KLC1: variants seen among roughly 807,000 people sequenced by gnomAD.
KLC1 encodes the protein kinesin light chain 1, also known as kinesin 2 60/70kDa.
A neutral mutation model predicts 84.2 loss-of-function variants in KLC1; 30 were observed. The observed-to-expected ratio is 0.36, with a 90% CI of 0.27 to 0.48. The LOEUF (loss-of-function observed/expected upper bound fraction) is 0.48, where lower values mean the gene tolerates loss of function less well. Among genes scored for constraint, KLC1 ranks in the 20% least tolerant of loss-of-function variants. KLC1 has a pLI of 0.99. For synonymous variants in KLC1, 289 were observed against 293.3 expected, an observed-to-expected ratio of 0.99 and a Z score of 0.15; for missense variants, 499 against 805.4, an observed-to-expected ratio of 0.62 and a Z score of 4.60.
intron 1 of KLC1, among the ~76,000 whole-genome samples, chr14:103,633,261 G>A (rs1016965207): frequency 7.2e-5 from 11 of 152,054 alleles, no homozygotes; most frequent in African/African-American, 2.4e-4. Flanking sequence ...GTTTCACCAC[G>A]TTAGCCAGGA....
chr14:103,658,811 C>G (rs1284874832), intron 3 of KLC1, among the ~76,000 whole-genome samples: 2 of 151,202 alleles, frequency 1.3e-5, no homozygotes, highest in African/African-American at 2.4e-5. Flanking sequence ...GTGTGTGCCA[C>G]CACGCCTGGC....
At chr14:103,638,249 C>G (rs1306154950) in intron 1 of KLC1, among the ~76,000 whole-genome samples, 7 of 152,150 alleles carry the variant, frequency 4.6e-5, no homozygotes, top group African/African-American at 1.7e-4. Flanking sequence ...ATGTGCTACC[C>G]TCGTCTGTAT....
At chr14:103,654,883 T>C in intron 2 of KLC1, 58 bp downstream of exon 2, 2 of 1,543,256 alleles carry the variant, frequency 1.3e-6, no homozygotes, top group Admixed American at 1.9e-5. Flanking sequence ...AATGGAGACT[T>C]GTTTGAAATA....
intron 3 of KLC1, among the ~76,000 whole-genome samples, chr14:103,661,141 C>G (rs571170616): frequency 6.6e-6 from 1 of 152,214 alleles, no homozygotes; most frequent in Admixed American, 6.5e-5. Flanking sequence ...GAGGGGTTCT[C>G]CTGTGGCAGT....
chr14:103,694,330 C>T lies in KLC1; in HGVS notation c.1848+1905C>T, dbSNP rs2082298073. The T allele has an allele frequency of 1.1e-6, 1 of 932,362 alleles. No homozygotes were observed. 57.8% of individuals were successfully genotyped at this position (932,362 alleles called of 1,614,324 possible). On this transcript the variant is annotated intron_variant, in intron 15 of 16. Transcript: ENST00000334553. This position sits in a 1 kb window ranked among gnomAD's most constrained non-coding sequence, Gnocchi z 4.5. ...GCAGTGGCCCAATCTCGGCCCACTG[C>T]AAGCTCCACCTCCTGGGTTCACGCC...
At chr14:103,634,778 A>G (rs114469595) in intron 1 of KLC1, among the ~76,000 whole-genome samples, 2,604 of 151,814 alleles carry the variant, frequency 0.017, 67 homozygotes, top group African/African-American at 0.055. Context: ...CGGGGGTCTC[A>G]CTGTGTTTCC....
chr14:103,630,932 C>G (rs2151225245), intron 1 of KLC1, among the ~76,000 whole-genome samples: 1 of 152,206 alleles, frequency 6.6e-6, no homozygotes, highest in East Asian at 1.9e-4. Flanking sequence ...CCTACTGCAG[C>G]CTTGGCATTG....
intron 15 of KLC1, chr14:103,696,108 C>T (rs1023738991): frequency 4.1e-5 from 34 of 819,480 alleles, no homozygotes; most frequent in Non-Finnish European, 4.5e-5. Flanking sequence ...GCCCCCCGCC[C>T]CCCCCCACAG....
chr14:103,663,488 A>G (rs2079473253), intron 5 of KLC1, among the ~76,000 whole-genome samples: 1 of 152,184 alleles, frequency 6.6e-6, no homozygotes, highest in South Asian at 2.1e-4. Flanking sequence ...CCCTAACGCC[A>G]GCCAAACGAA....
In KLC1 at chr14:103,699,260, C is replaced by T. The variant is rs376047069; in HGVS notation, c.1849-1395C>T. On this transcript the variant is annotated intron_variant, in intron 15 of 16. Transcript: ENST00000334553. ...GGCACAGGCTGCTACCCGCAGGAGC[C>T]GGAGGCCACCTCACTGCCACCCGCC... 95 of 1,539,658 alleles carry T rather than the reference C, an allele frequency of 6.2e-5. No homozygotes were observed. The African/African-American group carries it at 8.7e-4, about 14-fold the overall frequency.
At chr14:103,679,160 C>T in intron 12 of KLC1, 1 of 609,678 alleles carries the variant, frequency 1.6e-6, no homozygotes, top group South Asian at 2.1e-5. Flanking sequence ...CGGGTACACA[C>T]CCTGTGCAAT....
chr14:103,694,028 G>A lies in KLC1; in HGVS notation c.1848+1603G>A, dbSNP rs2082273981. ...TAAATTAAGAATCTGGAAACATAAAGTACCCCTTTCAGAACGATAGGCATT... is the reference window on the plus strand; with the variant it reads ...TAAATTAAGAATCTGGAAACATAAAATACCCCTTTCAGAACGATAGGCATT... On this transcript the variant is annotated intron_variant, in intron 15 of 16. Coordinates refer to ENST00000334553, the MANE Select transcript of KLC1 (RefSeq NM_001394837.1). The surrounding 1 kb of genome is among the most constrained non-coding windows in gnomAD (Gnocchi z 4.5). 3 of 1,013,506 alleles carry A rather than the reference G, an allele frequency of 3.0e-6. No homozygotes were observed. In the African/African-American group the frequency reaches 5.2e-5, roughly 17 times the overall value. 62.8% of individuals were successfully genotyped at this position (1,013,506 alleles called of 1,614,324 possible).
chr14:103,668,316 A>G (rs1336895953), intron 5 of KLC1, among the ~76,000 whole-genome samples: 2 of 152,214 alleles, frequency 1.3e-5, no homozygotes, highest in Non-Finnish European at 2.9e-5. Flanking sequence ...TAGGCAGGAC[A>G]ACACTGTAGT....
chr14:103,690,139 C>G (rs1265731517), intron 14 of KLC1, among the ~76,000 whole-genome samples: 1 of 151,850 alleles, frequency 6.6e-6, no homozygotes, highest in Non-Finnish European at 1.5e-5. Context: ...CAAGATCACA[C>G]CACTGCACTC....
intron 12 of KLC1, among the ~76,000 whole-genome samples, chr14:103,677,985 A>C (rs1375514783): frequency 6.8e-6 from 1 of 147,110 alleles, no homozygotes; most frequent in East Asian, 2.1e-4. Flanking sequence ...AAAAAAAAAA[A>C]AAGCATGAGG....
intron 15 of KLC1, chr14:103,699,383 G>A: frequency 6.2e-7 from 1 of 1,609,834 alleles, no homozygotes; most frequent in Non-Finnish European, 8.5e-7. Context: ...GCACAGCACA[G>A]GGCTCTGGAA....
chr14:103,662,993 T>A, intron 5 of KLC1, 66 bp downstream of exon 5: 1 of 1,070,034 alleles, frequency 9.3e-7, no homozygotes, highest in Non-Finnish European at 1.3e-6. Flanking sequence ...TCTTGCCCCT[T>A]AAAATATATT....
At chr14:103,661,334 G>A (rs1184121513) in intron 3 of KLC1, among the ~76,000 whole-genome samples, 4 of 152,292 alleles carry the variant, frequency 2.6e-5, no homozygotes, top group Admixed American at 1.3e-4. Flanking sequence ...AGCCTTTCAC[G>A]TGGAATGGGG....
rs2082218065 is a variant in KLC1 at position 103,693,154 on chromosome 14, C to T, written c.1848+729C>T. On this transcript the variant is annotated intron_variant, in intron 15 of 16. Transcript: ENST00000334553. This position sits in a 1 kb window ranked among gnomAD's most constrained non-coding sequence, Gnocchi z 5.1. ...GAGAGTTCGCGACAGTGGCCAGGCA[C>T]TGCCCTCCCAGTTGTCCAGATCCAC... is the stretch of plus-strand genomic sequence containing the variant. Among the ~76,000 whole-genome samples the T allele has an allele frequency of 6.6e-6, 1 of 152,198 alleles. No homozygotes were observed. Among genetic ancestry groups the T allele is most frequent in the Admixed American group, 6.5e-5 (1 of 15,286 alleles).
Sources: allele counts gnomAD v4.1 joint callset (sites outside exome capture counted in the v4.1 genomes callset), GRCh38; gene constraint gnomAD v4.1.1; non-coding constraint Gnocchi (gnomAD v3.1); transcripts MANE v1.5; gene names NCBI Gene and HGNC (gene_info 2026-07-23, HGNC 2026-07-21).